Variants in PAK2 observed in about 807,000 individuals in gnomAD.
PAK2 encodes the protein serine/threonine-protein kinase PAK 2.
In PAK2, 21 loss-of-function variants were observed where a neutral mutation model predicts 65.9. The ratio of observed to expected loss-of-function variants is 0.32; its 90% confidence interval spans 0.23 to 0.46. PAK2 has a LOEUF of 0.46. PAK2 is among the 20% of genes least tolerant of loss of function. PAK2 has a pLI of 1.00. For synonymous variants in PAK2, 204 were observed against 219.7 expected (o/e 0.93, Z 0.63); for missense variants, 324 against 642.6 (o/e 0.50, Z 5.36).
At chr3:196,788,486 G>C (rs1393363985) in intron 2 of PAK2, among the ~76,000 whole-genome samples, 1 of 152,148 alleles carries the variant, frequency 6.6e-6, no homozygotes, top group Non-Finnish European at 1.5e-5. Context: ...TTTGGATCGT[G>C]CCGTTTTAAG....
At chr3:196,800,013 T>G (rs1167627183) in intron 2 of PAK2, among the ~76,000 whole-genome samples, 1 of 152,186 alleles carries the variant, frequency 6.6e-6, no homozygotes, top group African/African-American at 2.4e-5. Context: ...GAGAGAAATT[T>G]TTAAAGACCT....
intron 1 of PAK2, among the ~76,000 whole-genome samples, chr3:196,765,727 G>A (rs1359842451): frequency 6.6e-6 from 1 of 152,098 alleles, no homozygotes; most frequent in Non-Finnish European, 1.5e-5. Context: ...TAAATAAAGG[G>A]ACTAAAAGGA....
rs142249155 is a variant in PAK2, at chr3:196,775,698, C to T, written c.-21-6928C>T. 4.5e-3 allele frequency among the ~76,000 whole-genome samples: 679 copies of T among 152,228 alleles called. 11 individuals carry two copies. The highest frequency in any genetic ancestry group is 0.015 in the African/African-American group (643 of 41,532). ...AGGATAACCAAAATGTAAGGAAAGG[C>T]TGTGTTCTGAAAGTTGCTGTGTAAT... On this transcript the variant is annotated intron_variant, in intron 1 of 14. Coordinates refer to ENST00000327134, the MANE Select transcript of PAK2 (RefSeq NM_002577.4).
intron 1 of PAK2, among the ~76,000 whole-genome samples, chr3:196,765,388 A>G (rs1009070426): frequency 6.6e-6 from 1 of 151,942 alleles, no homozygotes; most frequent in Non-Finnish European, 1.5e-5. Context: ...GGCCTCAAGC[A>G]ATCCCCCACC....
At chr3:196,746,004 T>C (rs1186665461) in intron 1 of PAK2, among the ~76,000 whole-genome samples, 1 of 152,024 alleles carries the variant, frequency 6.6e-6, no homozygotes, top group African/African-American at 2.4e-5. Flanking sequence ...TCTTTTTCTT[T>C]CTTTTTTAAA....
At chr3:196,817,246 T>C (rs13080125) in intron 11 of PAK2, among the ~76,000 whole-genome samples, 82,148 of 146,958 alleles carry the variant, frequency 0.56, 23,102 homozygotes, top group South Asian at 0.65. Flanking sequence ...CTTACTGCAA[T>C]CTCTGCCTCC....
At chr3:196,823,427 T>C (rs1358073236) in intron 13 of PAK2, among the ~76,000 whole-genome samples, 1 of 151,960 alleles carries the variant, frequency 6.6e-6, no homozygotes, top group Admixed American at 6.6e-5. Flanking sequence ...TACTTGAACC[T>C]CAGTGAGATC....
At chr3:196,810,339 G>A (rs1715735149) in intron 7 of PAK2, among the ~76,000 whole-genome samples, 1 of 152,036 alleles carries the variant, frequency 6.6e-6, no homozygotes, top group South Asian at 2.1e-4. Flanking sequence ...TAACCTAATG[G>A]AAATAATGTG....
In PAK2 at chr3:196,801,909, T is replaced by G; in HGVS notation, c.188-18T>G. 1 of 1,315,972 alleles carries G rather than the reference T, an allele frequency of 7.6e-7. No individual in the cohort carries two copies. The highest frequency in any genetic ancestry group is 1.1e-6 in the Non-Finnish European group (1 of 911,920). 81.5% of individuals were successfully genotyped at this position (1,315,972 alleles called of 1,614,324 possible). A position where few individuals can be genotyped will look rare whatever the true frequency, so the allele number is the denominator to read the frequency against. On this transcript the variant is annotated intron_variant, in intron 2 of 14. Transcript: ENST00000327134. ...TTAAATAGGCTGATTCTTTCTCTTT[T>G]TTTCTAATGCCCCCTAGGAAGTAAA...
intron 1 of PAK2, among the ~76,000 whole-genome samples, chr3:196,772,126 T>A (rs1278729997): frequency 2.6e-5 from 4 of 152,240 alleles, no homozygotes; most frequent in Admixed American, 2.0e-4. Flanking sequence ...ATCACCATTT[T>A]CAAAATGCTA....
intron 2 of PAK2, among the ~76,000 whole-genome samples, chr3:196,789,575 G>C (rs1299480345): frequency 6.6e-6 from 1 of 151,796 alleles, no homozygotes; most frequent in African/African-American, 2.4e-5. Flanking sequence ...CAATTCCCCT[G>C]CCTCAGCCTC....
rs1454872138 is a variant in PAK2 at position 196,791,207 on chromosome 3, C to T, written c.187+8374C>T. Among the ~76,000 whole-genome samples, 2 of 152,086 alleles carry T rather than the reference C, an allele frequency of 1.3e-5. No individual in the cohort carries two copies. The highest frequency in any genetic ancestry group is 4.1e-4 in the South Asian group (2 of 4,826). On this transcript the variant is annotated intron_variant, in intron 2 of 14. Transcript: ENST00000327134. This position sits in a 1 kb window ranked among gnomAD's most constrained non-coding sequence, Gnocchi z 4.0. ...TATCTTTCCAGCACATTGTTCAATT[C>T]CAGACATGCTTTAGTATCTTTTTGT...
intron 2 of PAK2, among the ~76,000 whole-genome samples, chr3:196,800,969 AG>A (rs1330054341): frequency 1.3e-5 from 2 of 151,620 alleles, no homozygotes; most frequent in African/African-American, 2.4e-5. Context: ...GCTGAGAGGG[AG>A]GGGGTAGGGG....
intron 13 of PAK2, among the ~76,000 whole-genome samples, chr3:196,826,584 G>C (rs1399060822): frequency 6.6e-6 from 1 of 151,944 alleles, no homozygotes; most frequent in Non-Finnish European, 1.5e-5. Context: ...ATGGTCAATG[G>C]TGAGGTTGTG....
At chr3:196,810,998 G>A (rs916051622) in intron 8 of PAK2, among the ~76,000 whole-genome samples, 3 of 151,854 alleles carry the variant, frequency 2.0e-5, no homozygotes, top group African/African-American at 7.3e-5. Context: ...ATGTCATTGT[G>A]TATTGACTTT....
intron 1 of PAK2, among the ~76,000 whole-genome samples, chr3:196,762,357 G>A (rs1185406598): frequency 1.4e-5 from 2 of 140,252 alleles, no homozygotes; most frequent in Non-Finnish European, 3.2e-5. Context: ...GCTGGGAGGT[G>A]GAGGTTGTAG....
At chr3:196,801,120 G>A (rs1715411166) in intron 2 of PAK2, among the ~76,000 whole-genome samples, 1 of 152,128 alleles carries the variant, frequency 6.6e-6, no homozygotes, top group Non-Finnish European at 1.5e-5. Flanking sequence ...CACTAAAAAA[G>A]GATTATGCTT....
At chr3:196,802,413 A>T (rs1237510052) in intron 3 of PAK2, among the ~76,000 whole-genome samples, 1 of 152,156 alleles carries the variant, frequency 6.6e-6, no homozygotes, top group Non-Finnish European at 1.5e-5. Flanking sequence ...AAAAAAGGGA[A>T]ATTAACATTT....
At chr3:196,750,550 G>A (rs548398121) in intron 1 of PAK2, among the ~76,000 whole-genome samples, 54 of 151,806 alleles carry the variant, frequency 3.6e-4, no homozygotes, top group African/African-American at 1.1e-3. Flanking sequence ...TAACATTTTT[G>A]CATCTTATAT....
Sources: gnomAD v4.1 joint callset for allele counts (sites outside exome capture counted in the v4.1 genomes callset) on GRCh38, gnomAD v4.1.1 for gene constraint, Gnocchi (gnomAD v3.1) non-coding constraint, MANE v1.5 for transcripts, NCBI Gene and HGNC (gene_info 2026-07-23, HGNC 2026-07-21) for gene names.